The following CCDC190 variants were observed in gnomAD, a reference collection of about 807,000 sequenced individuals.
CCDC190 encodes the protein coiled-coil domain-containing protein 190.
CCDC190 carries 10 observed loss-of-function variants against 13.1 expected under a neutral mutation model. The ratio of observed to expected loss-of-function variants is 0.77; its 90% CI spans 0.47 to 1.30. CCDC190 has a LOEUF of 1.30. Among genes scored for constraint, CCDC190 ranks in the 50% most tolerant of loss-of-function variants. The pLI is 0.00. For missense variants in CCDC190, 375 were observed against 354.3 expected (o/e 1.06, Z -0.47); for synonymous variants, 136 against 127.2 (o/e 1.07, Z -0.47).
rs79086827 is a variant in CCDC190, at chr1:162,851,179, G to A, written c.*3586C>T. On this transcript the variant is annotated 3_prime_UTR_variant, in exon 4 of 4. Coordinates refer to ENST00000367912, the MANE Select transcript of CCDC190 (RefSeq NM_001394065.1). ...GCAGAAAAGGAGGACCTGGCTGCCCGCTCTCCCTTATTCTGTCTTCAGTGC... is the reference window on the plus strand; with the variant it reads ...GCAGAAAAGGAGGACCTGGCTGCCCACTCTCCCTTATTCTGTCTTCAGTGC... The A allele has an allele frequency of 1.8e-3, 271 of 152,142 alleles. 4 individuals carry two copies. The East Asian group carries it at 0.029, about 16-fold the overall frequency. 9.4% of individuals were successfully genotyped at this position (152,142 alleles called of 1,614,324 possible).
At chr1:162,863,989 T>C (rs1024540359), upstream of CCDC190, among the ~76,000 whole-genome samples, 1 of 139,960 alleles carries the variant, frequency 7.1e-6, no homozygotes, top group African/African-American at 2.6e-5. Context: ...ATTGCACTCC[T>C]GGGTGACAGA....
At chr1:162,857,868 G>A (rs757413987) in intron 2 of CCDC190, among the ~76,000 whole-genome samples, 3 of 152,138 alleles carry the variant, frequency 2.0e-5, no homozygotes, top group Non-Finnish European at 2.9e-5. Flanking sequence ...TACCTGAGTA[G>A]CTGTTTTGCA....
intron 2 of CCDC190, among the ~76,000 whole-genome samples, chr1:162,856,592 CTCAG>C (rs1436117351): frequency 2.0e-5 from 3 of 152,190 alleles, no homozygotes; most frequent in South Asian, 2.1e-4. Context: ...CTATGGAGAA[CTCAG>C]TCAGTTTTTA....
At chr1:162,860,244 G>A (rs77911491) in intron 1 of CCDC190, among the ~76,000 whole-genome samples, 1,594 of 152,238 alleles carry the variant, frequency 0.01, 19 homozygotes, top group Middle Eastern at 0.054. Context: ...GGGCTTTCTC[G>A]AAAAGTGGAA....
At position 162,854,674 on chromosome 1, in the gene CCDC190, T is replaced by C; in HGVS notation, c.*91A>G. ...AAATTGTAATTCAATTATGTTTGTTTGTTTTTCTCTGTATTGCTTAATATA... is the reference window on the plus strand; with the variant it reads ...AAATTGTAATTCAATTATGTTTGTTCGTTTTTCTCTGTATTGCTTAATATA... On this transcript the variant is annotated 3_prime_UTR_variant, in exon 4 of 4. Coordinates refer to ENST00000367912, the MANE Select transcript of CCDC190 (RefSeq NM_001394065.1). The C allele has an allele frequency of 6.8e-7, 1 of 1,468,774 alleles. No homozygotes were observed. The highest frequency in any genetic ancestry group is 9.0e-7 in the Non-Finnish European group (1 of 1,111,818). 91.0% of individuals were successfully genotyped at this position (1,468,774 alleles called of 1,614,324 possible). A position where few individuals can be genotyped will look rare whatever the true frequency, so the allele number is the denominator to read the frequency against.
At chr1:162,867,500 T>C (rs2805048) in intron 1 of CCDC190, among the ~76,000 whole-genome samples, 107,265 of 152,030 alleles carry the variant, frequency 0.71, 38,641 homozygotes, top group Non-Finnish European at 0.78. Flanking sequence ...TAAAATGGTA[T>C]GACCATTTTG....
upstream of CCDC190, among the ~76,000 whole-genome samples, chr1:162,865,467 A>G (rs775358597): frequency 1.7e-4 from 26 of 152,192 alleles, 1 homozygote; most frequent in Non-Finnish European, 3.1e-4. Context: ...AGGAACATTT[A>G]TCAAGATAGA....
chr1:162,863,813 G>A (rs971540025), upstream of CCDC190, among the ~76,000 whole-genome samples: 3 of 152,154 alleles, frequency 2.0e-5, no homozygotes, highest in Non-Finnish European at 2.9e-5. Flanking sequence ...AAGGTCACGA[G>A]TTCGAGACCA....
intron 2 of CCDC190, among the ~76,000 whole-genome samples, chr1:162,856,584 A>G (rs899722109): frequency 2.0e-5 from 3 of 152,184 alleles, no homozygotes; most frequent in African/African-American, 7.2e-5. Context: ...CATAGCTGCT[A>G]TGGAGAACTC....
chr1:162,861,437 A>AT (rs112152644), upstream of CCDC190, among the ~76,000 whole-genome samples: 546 of 142,466 alleles, frequency 3.8e-3, 2 homozygotes, highest in African/African-American at 0.011. Context: ...GTTTCTCTCC[A>AT]TTTTTTTTTT....
At position 162,854,046 on chromosome 1, in the gene CCDC190, C is replaced by T. The variant is rs1486541860; in HGVS notation, c.*719G>A. Among the ~76,000 whole-genome samples, 2 of 152,118 alleles carry T rather than the reference C, an allele frequency of 1.3e-5. No homozygotes were observed. The highest frequency in any genetic ancestry group is 3.9e-4 in the East Asian group (2 of 5,194). ...CAATAGCTTGTTAACAATGTTAGTA[C>T]CTCTCATTTTACAGTGAAATCATTT... is the stretch of plus-strand genomic sequence containing the variant. On this transcript the variant is annotated 3_prime_UTR_variant, in exon 4 of 4. Transcript: ENST00000367912.
At chr1:162,864,214 G>C (rs1168396878), upstream of CCDC190, among the ~76,000 whole-genome samples, 2 of 152,062 alleles carry the variant, frequency 1.3e-5, no homozygotes, top group East Asian at 3.8e-4. Flanking sequence ...CCAGAAGATA[G>C]TGGAGCAAAA....
At chr1:162,864,641 C>T (rs74120119), upstream of CCDC190, among the ~76,000 whole-genome samples, 2,282 of 151,954 alleles carry the variant, frequency 0.015, 50 homozygotes, top group African/African-American at 0.053. Context: ...TTATAAGGTT[C>T]TTATAATATA....
chr1:162,852,417 A>C lies in CCDC190; in HGVS notation c.*2348T>G, dbSNP rs1650140260. 6.6e-6 allele frequency: 1 copy of C among 152,296 alleles called. No individual in the cohort carries two copies. Among genetic ancestry groups the C allele is most frequent in the South Asian group, 2.1e-4 (1 of 4,832 alleles). The allele number at this position is 152,296 out of a possible 1,614,324, so 9.4% of individuals were successfully genotyped here. On this transcript the variant is annotated 3_prime_UTR_variant, in exon 4 of 4. Coordinates refer to ENST00000367912, the MANE Select transcript of CCDC190 (RefSeq NM_001394065.1). ...TAAACTGTTTAGAATTTAATGAGTT[A>C]CACAAGAAAGGTTCCATGCAGCAGC...
Position 162,852,997 on chromosome 1 carries a change from G to T in CCDC190, c.*1768C>A. The T allele has an allele frequency of 2.2e-6, 2 of 901,030 alleles. No homozygotes were observed. The highest frequency in any genetic ancestry group is 1.5e-5 in the South Asian group (1 of 67,194). The allele number at this position is 901,030 out of a possible 1,614,324, so 55.8% of individuals were successfully genotyped here. On this transcript the variant is annotated 3_prime_UTR_variant, in exon 4 of 4. Coordinates refer to ENST00000367912, the MANE Select transcript of CCDC190 (RefSeq NM_001394065.1). ...TGCCTATTCATGTTGGCCCAGGCAT[G>T]GCTGGTGCAAATAAATTAAGTTTTT...
upstream of CCDC190, among the ~76,000 whole-genome samples, chr1:162,864,291 T>C (rs35028668): frequency 0.81 from 122,474 of 152,024 alleles, 51,586 homozygotes; most frequent in Non-Finnish European, 0.94. Context: ...TCTTCAAGAG[T>C]TAAGGAAAAT....
At position 162,854,904 on chromosome 1, in the gene CCDC190, T is replaced by C. The variant is rs367988830; in HGVS notation, c.767A>G (p.His256Arg). Residue 256 changes from histidine (H) to arginine (R), a missense_variant, in exon 4 of 4, where the codon CAT (histidine) becomes CGT (arginine). Coordinates refer to ENST00000367912, the MANE Select transcript of CCDC190 (RefSeq NM_001394065.1). ...AGGGGGGACCCTGTGCCGGAGATAA[T>C]GGGCATTTCTGGCCTTTGAAAGCAA... ...LELLSKARNA[H>R]YLRHRVPPES... 6.2e-6 allele frequency: 10 copies of C among 1,613,924 alleles called. No individual in the cohort carries two copies. In the East Asian group the frequency reaches 1.6e-4, roughly 25 times the overall value.
At chr1:162,864,709 C>T (rs1350353316), upstream of CCDC190, among the ~76,000 whole-genome samples, 1 of 151,754 alleles carries the variant, frequency 6.6e-6, no homozygotes, top group African/African-American at 2.4e-5. Context: ...GCTGTATACT[C>T]TACACTCTAA....
In CCDC190 at chr1:162,852,835, T is replaced by C. The variant is rs1020895397; in HGVS notation, c.*1930A>G. The C allele has an allele frequency of 7.8e-5, 33 of 421,314 alleles. No homozygotes were observed. The highest frequency in any genetic ancestry group is 6.2e-4 in the African/African-American group (31 of 49,938). The allele number at this position is 421,314 out of a possible 1,614,324, so 26.1% of individuals were successfully genotyped here. On this transcript the variant is annotated 3_prime_UTR_variant, in exon 4 of 4. Coordinates refer to ENST00000367912, the MANE Select transcript of CCDC190 (RefSeq NM_001394065.1). ...TACAGTGAAAAGACCCACTTAGCAG[T>C]GACAAACCATTCACTCAGGACTCAG...
Sources: gnomAD v4.1 joint callset for allele counts (sites outside exome capture counted in the v4.1 genomes callset) on GRCh38, gnomAD v4.1.1 for gene constraint, MANE v1.5 for transcripts, NCBI Gene and HGNC (gene_info 2026-07-23, HGNC 2026-07-21) for gene names.